The following CUL9 variants were observed in gnomAD, a reference collection of about 807,000 sequenced individuals.
CUL9 encodes cullin-9.
A neutral mutation model predicts 272.6 loss-of-function variants in CUL9; 79 were observed. That is an observed-to-expected ratio of 0.29 (90% CI 0.24 to 0.35). The LOEUF is 0.35. CUL9 is among the 10% of genes least tolerant of loss of function. The pLI is 1.00. For synonymous variants in CUL9, 1,186 were observed against 1,286.5 expected (o/e 0.92, Z 1.67); for missense variants, 2,532 against 3,255.6 (o/e 0.78, Z 5.41).
intron 8 of CUL9, among the ~76,000 whole-genome samples, chr6:43,190,880 G>A (rs754952235): frequency 2.6e-5 from 4 of 152,080 alleles, no homozygotes; most frequent in Non-Finnish European, 4.4e-5. Context: ...GACCCTCACC[G>A]TGATCTAGGG....
At chr6:43,202,638 C>T in intron 16 of CUL9, 78 bp from the exon 17 acceptor site, 1 of 1,282,944 alleles carries the variant, frequency 7.8e-7, no homozygotes, top group Non-Finnish European at 1.1e-6. Context: ...ACCTCAGCCT[C>T]CCAAAGTGTT....
rs1213400486 is a variant in CUL9, at chr6:43,206,311, T to C, written c.5023-10T>C. 1 of 1,613,914 alleles carries C rather than the reference T, an allele frequency of 6.2e-7. No individual in the cohort carries two copies. The highest frequency in any genetic ancestry group is 8.5e-7 in the Non-Finnish European group (1 of 1,179,822). ...AGCCCAAGGGCCCTTGAAATCCTTCTGTCCCTCAGGAGGAAGAGGAGGAAG... is the reference window on the plus strand; with the variant it reads ...AGCCCAAGGGCCCTTGAAATCCTTCCGTCCCTCAGGAGGAAGAGGAGGAAG... On this transcript the variant is annotated splice_polypyrimidine_tract_variant and intron_variant, in intron 25 of 40. Coordinates refer to ENST00000252050, the MANE Select transcript of CUL9 (RefSeq NM_015089.4). The surrounding 1 kb of genome is among the most constrained non-coding windows in gnomAD (Gnocchi z 4.8).
chr6:43,196,062 C>A lies in CUL9; in HGVS notation c.2389-7C>A, dbSNP rs201354259. On this transcript the variant is annotated splice_polypyrimidine_tract_variant and splice_region_variant and intron_variant, in intron 9 of 40. Transcript: ENST00000252050. ...CTCCTCACTCTGCTTTCACATCCCC[C>A]TCACAGGCACTGAAGATGCTGGCCG... The A allele has an allele frequency of 6.3e-5, 101 of 1,608,598 alleles. 1 individual carries two copies. The highest frequency in any genetic ancestry group is 1.8e-4 in the Admixed American group (11 of 59,834).
rs550185284 is a variant in CUL9 at position 43,214,993 on chromosome 6, A to T, written c.5689-86A>T. 5.5e-6 allele frequency: 8 copies of T among 1,448,954 alleles called. No homozygotes were observed. The African/African-American group carries it at 1.0e-4, about 18-fold the overall frequency. 89.8% of individuals were successfully genotyped at this position (1,448,954 alleles called of 1,614,324 possible). ...CTGTCTCTTAAAAAAAAAGGGGGGG[A>T]AAAATAAGTGGCAGAGCTGGGCATT... On this transcript the variant is annotated intron_variant, in intron 29 of 40. Transcript: ENST00000252050.
intron 9 of CUL9, among the ~76,000 whole-genome samples, chr6:43,195,316 T>C (rs1329407378): frequency 6.6e-6 from 1 of 152,236 alleles, no homozygotes; most frequent in Non-Finnish European, 1.5e-5. Flanking sequence ...ATAGTGTCTA[T>C]TTTAATTTAA....
At chr6:43,183,158 G>C (rs1772573228) in intron 1 of CUL9, among the ~76,000 whole-genome samples, 1 of 152,174 alleles carries the variant, frequency 6.6e-6, no homozygotes, top group Admixed American at 6.5e-5. Flanking sequence ...ACATTTATCT[G>C]ATACTGAAGT....
chr6:43,186,889 G>A lies in CUL9; in HGVS notation c.1252-71G>A, dbSNP rs1031717619. ...TCTATGCTTGGGCATGTCCTTTCAAGCCTTCACAGGCCAAGGCTCAGAGGG... is the reference window on the plus strand; with the variant it reads ...TCTATGCTTGGGCATGTCCTTTCAAACCTTCACAGGCCAAGGCTCAGAGGG... On this transcript the variant is annotated intron_variant, in intron 4 of 40. Coordinates refer to ENST00000252050, the MANE Select transcript of CUL9 (RefSeq NM_015089.4). 3.9e-5 allele frequency: 61 copies of A among 1,566,132 alleles called. No individual in the cohort carries two copies. In the South Asian group the frequency reaches 6.9e-4, roughly 18 times the overall value.
chr6:43,206,466 A>G lies in CUL9; in HGVS notation c.5168A>G (p.Glu1723Gly). 6.2e-7 allele frequency: 1 copy of G among 1,614,142 alleles called. No individual in the cohort carries two copies. The highest frequency in any genetic ancestry group is 1.1e-5 in the South Asian group (1 of 91,078). ...LYHPRKCLPT[E>G]FCDALDRFSS... ...CATCCCAGAAAGTGCCTTCCCACAG[A>G]ATTCTGTGATGCCCTTGACCGTTTC... Residue 1723 changes from glutamate (E) to glycine (G), a missense_variant, in exon 26 of 41, where the codon GAA (glutamate) becomes GGA (glycine). Around this residue, in one of 3 missense-constraint regions of CUL9, gnomAD observed 2,218 missense variants for 2,788.6 expected, o/e 0.80. Coordinates refer to ENST00000252050, the MANE Select transcript of CUL9 (RefSeq NM_015089.4). This position sits in a 1 kb window ranked among gnomAD's most constrained non-coding sequence, Gnocchi z 4.8.
chr6:43,208,683 T>G (rs1467809692), intron 26 of CUL9, among the ~76,000 whole-genome samples: 1 of 152,218 alleles, frequency 6.6e-6, no homozygotes, highest in Non-Finnish European at 1.5e-5. Flanking sequence ...CCAGCTTTCT[T>G]TGGTTACTGG....
At chr6:43,189,181 A>T (rs1439521968) in intron 8 of CUL9, among the ~76,000 whole-genome samples, 2 of 148,948 alleles carry the variant, frequency 1.3e-5, no homozygotes, top group Non-Finnish European at 3.0e-5. Flanking sequence ...TTTATTTTAA[A>T]TTTTTTTCTA....
rs771223052 is a variant in CUL9, at chr6:43,213,426, T to C, written c.5359-12T>C. ...TTCCTTTGACTCCTGACTGGGCGTT[T>C]CTGCTCATCAGGAGGTGTCAGTAGA... On this transcript the variant is annotated splice_polypyrimidine_tract_variant and intron_variant, in intron 27 of 40. Coordinates refer to ENST00000252050, the MANE Select transcript of CUL9 (RefSeq NM_015089.4). This position sits in a 1 kb window ranked among gnomAD's most constrained non-coding sequence, Gnocchi z 5.7. The C allele has an allele frequency of 6.2e-7, 1 of 1,613,934 alleles. No homozygotes were observed. The highest frequency in any genetic ancestry group is 8.5e-7 in the Non-Finnish European group (1 of 1,179,822).
At chr6:43,193,542 TTTTGTTTG>T (rs548264177) in intron 9 of CUL9, among the ~76,000 whole-genome samples, 4 of 151,740 alleles carry the variant, frequency 2.6e-5, no homozygotes, top group Admixed American at 6.6e-5. Flanking sequence ...CCAGGAGGTT[TTTTGTTTG>T]TTTGTTTGTT....
intron 11 of CUL9, among the ~76,000 whole-genome samples, chr6:43,197,771 T>C (rs541363120): frequency 6.6e-6 from 1 of 152,252 alleles, no homozygotes; most frequent in African/African-American, 2.4e-5. Context: ...CGTGAGCCAC[T>C]GTGCCTGGCC....
At chr6:43,211,296 G>A (rs1329054382) in intron 26 of CUL9, among the ~76,000 whole-genome samples, 2 of 152,206 alleles carry the variant, frequency 1.3e-5, no homozygotes, top group East Asian at 1.9e-4. Flanking sequence ...GGTGGCTCAT[G>A]CCTGTAATCC....
intron 8 of CUL9, 130 bp from the exon 9 acceptor site, chr6:43,192,871 T>G: frequency 1.4e-6 from 1 of 737,130 alleles, no homozygotes; most frequent in Non-Finnish European, 2.3e-6. Flanking sequence ...GAGAGCAGGT[T>G]TGGGTGGGGC....
chr6:43,182,738 ATCT>A (rs1406883813), intron 1 of CUL9, among the ~76,000 whole-genome samples: 3 of 151,316 alleles, frequency 2.0e-5, no homozygotes, highest in African/African-American at 7.3e-5. Context: ...CTCTACTCTC[ATCT>A]TCTGTCCCTG....
At position 43,188,669 on chromosome 6, in the gene CUL9, G is replaced by A; in HGVS notation, c.2134G>A (p.Val712Ile). Residue 712 changes from valine (V) to isoleucine (I), a missense_variant, in exon 8 of 41, where the codon GTC (valine) becomes ATC (isoleucine). Physicochemically the swap from Val to Ile is conservative, Grantham distance 29 (BLOSUM62 3). Coordinates refer to ENST00000252050, the MANE Select transcript of CUL9 (RefSeq NM_015089.4). ...TGCCCTCTCTCAGGCTGTGGAGGAG[G>A]TCACTGAGCGGGACCACCCTCTGGT... ...LSALSQAVEE[V>I]TERDHPLVRP... 6.2e-7 allele frequency: 1 copy of A among 1,614,104 alleles called. No individual in the cohort carries two copies. The highest frequency in any genetic ancestry group is 8.5e-7 in the Non-Finnish European group (1 of 1,180,002).
In CUL9 at chr6:43,202,766, GGGT is replaced by G; in HGVS notation, c.3706_3708del (p.Val1236del). The G allele has an allele frequency of 6.2e-7, 1 of 1,614,198 alleles. No homozygotes were observed. Among genetic ancestry groups the G allele is most frequent in the Non-Finnish European group, 8.5e-7 (1 of 1,180,026 alleles). ...GAGGACTCAAGCTACATGCCAGCCAGGGTGGTGGTGTTTGGGGGTGACAGCACC... is the reference window on the plus strand; with the variant it reads ...GAGGACTCAAGCTACATGCCAGCCAGGGTGGTGTTTGGGGGTGACAGCACC... On this transcript the variant is annotated inframe_deletion, in exon 17 of 41. Transcript: ENST00000252050.
chr6:43,201,146 C>G (rs539317578), intron 16 of CUL9, among the ~76,000 whole-genome samples: 2 of 152,304 alleles, frequency 1.3e-5, no homozygotes, highest in East Asian at 3.9e-4. Context: ...GTGTCAGGCA[C>G]TGTGCAAGGG....
Sources: allele counts gnomAD v4.1 joint callset (sites outside exome capture counted in the v4.1 genomes callset), GRCh38; gene constraint gnomAD v4.1.1; regional missense constraint gnomAD v4.1.1; non-coding constraint Gnocchi (gnomAD v3.1); transcripts MANE v1.5; gene names NCBI Gene and HGNC (gene_info 2026-07-23, HGNC 2026-07-21).